COL6A2: variants seen among roughly 807,000 people sequenced by gnomAD.
COL6A2 encodes the protein collagen type VI alpha 2 chain.
A neutral mutation model predicts 124.9 loss-of-function variants in COL6A2; 90 were observed. The ratio of observed to expected loss-of-function variants is 0.72; its 90% CI spans 0.61 to 0.86. The LOEUF is 0.86. COL6A2 is among the 40% of genes least tolerant of loss of function. The probability of loss-of-function intolerance (pLI) is 0.00; values close to 1 mark genes in which losing one functional copy is unlikely to be tolerated. For missense variants in COL6A2, 1,607 were observed against 1,502.5 expected (o/e 1.07, Z -1.15); for synonymous variants, 793 against 618.2 (o/e 1.28, Z -4.19).
intron 15 of COL6A2, 29 bp downstream of exon 15, chr21:46,119,879 G>A (rs1180105469): frequency 6.5e-7 from 1 of 1,547,858 alleles, no homozygotes; most frequent in Non-Finnish European, 8.7e-7. Flanking sequence ...GCAGCCCAGG[G>A]TCTCACTGTG....
intron 4 of COL6A2, 112 bp downstream of exon 4, chr21:46,112,936 G>A (rs2078425510): frequency 1.5e-6 from 2 of 1,351,682 alleles, no homozygotes. Flanking sequence ...TGAGAGGAGA[G>A]GGAGTCACCT....
intron 14 of COL6A2, among the ~76,000 whole-genome samples, 166 bp downstream of exon 14, chr21:46,119,285 G>A (rs562973918): frequency 6.6e-6 from 1 of 152,242 alleles, no homozygotes; most frequent in East Asian, 1.9e-4. Flanking sequence ...CACCCCACGG[G>A]ACCCCCCAGA....
Position 46,132,565 on chromosome 21 carries a change from G to A in COL6A2, c.*13G>A, listed in dbSNP as rs2123456370. 1.9e-6 allele frequency: 3 copies of A among 1,583,666 alleles called. No individual in the cohort carries two copies. The South Asian group carries it at 3.4e-5, about 18-fold the overall frequency. On this transcript the variant is annotated 3_prime_UTR_variant, in exon 28 of 28. Coordinates refer to ENST00000300527, the MANE Select transcript of COL6A2 (RefSeq NM_001849.4). ...CTGGATCTGCTAGCGCCGCCGCCCG[G>A]GCCCCGCAGTCGAGGGTCGTGAGCC...
chr21:46,125,069 T>G (rs1478234155), intron 23 of COL6A2, 149 bp downstream of exon 23: 4 of 1,208,912 alleles, frequency 3.3e-6, no homozygotes, highest in Non-Finnish European at 3.7e-6. Flanking sequence ...CAAGCTTGGT[T>G]GGGGAAGGTC....
At position 46,132,605 on chromosome 21, in the gene COL6A2, TGCTAAGC is replaced by T; in HGVS notation, c.*55_*61del. The T allele has an allele frequency of 6.6e-7, 1 of 1,513,064 alleles. No homozygotes were observed. Among genetic ancestry groups the T allele is most frequent in the Non-Finnish European group, 8.9e-7 (1 of 1,121,030 alleles). The allele number at this position is 1,513,064 out of a possible 1,614,324, so 93.7% of individuals were successfully genotyped here. ...GGTCGTGAGCCCACCCCGTCCATGGTGCTAAGCGGGCCCGGGTCCCACACGGCCAGCA... is the reference window on the plus strand; with the variant it reads ...GGTCGTGAGCCCACCCCGTCCATGGTGGGCCCGGGTCCCACACGGCCAGCA... On this transcript the variant is annotated 3_prime_UTR_variant, in exon 28 of 28. Coordinates refer to ENST00000300527, the MANE Select transcript of COL6A2 (RefSeq NM_001849.4).
intron 1 of COL6A2, among the ~76,000 whole-genome samples, chr21:46,106,203 C>A (rs1601207092): frequency 6.6e-6 from 1 of 152,164 alleles, no homozygotes; most frequent in Non-Finnish European, 1.5e-5. Flanking sequence ...TATTTATGCA[C>A]CTAATAACAG....
rs371383704 is a variant in COL6A2 at position 46,119,100 on chromosome 21, G to A, written c.1250G>A (p.Arg417His). The A allele has an allele frequency of 4.0e-5, 64 of 1,611,832 alleles. No individual in the cohort carries two copies. The highest frequency in any genetic ancestry group is 1.1e-4 in the African/African-American group (8 of 74,852). Reference sequence around the variant, plus strand: ...GGAGCCAAGGGCGGGCCTGGGCCCCGCGGACCCAAAGGCGAGCCGGTGAGT... The same window carrying A: ...GGAGCCAAGGGCGGGCCTGGGCCCCACGGACCCAAAGGCGAGCCGGTGAGT... ...VKGAKGGPGP[R>H]GPKGEPGRRG... Residue 417 changes from arginine (R) to histidine (H), a missense_variant, in exon 14 of 28, where the codon CGC (arginine) becomes CAC (histidine). This residue lies in a region of COL6A2 where 1,223 missense variants were observed against 1,052.2 expected (regional missense o/e 1.16). Transcript: ENST00000300527.
rs1181506595 is a variant in COL6A2 at position 46,111,598 on chromosome 21, G to C, written c.115+7G>C. ...AGAAACAACAACTGCCCAGGTGCCA[G>C]GGGTCGGGGGCCGGGGGCTCTGGGC... is the stretch of plus-strand genomic sequence containing the variant. On this transcript the variant is annotated splice_region_variant and intron_variant, in intron 2 of 27. Transcript: ENST00000300527. The C allele has an allele frequency of 1.9e-6, 3 of 1,603,948 alleles. No individual in the cohort carries two copies. Among genetic ancestry groups the C allele is most frequent in the Non-Finnish European group, 2.6e-6 (3 of 1,172,730 alleles).
rs757279009 is a variant in COL6A2, at chr21:46,111,471, G to A, written c.-6G>A. 2.9e-5 allele frequency: 46 copies of A among 1,608,816 alleles called. No individual in the cohort carries two copies. Among genetic ancestry groups the A allele is most frequent in the Middle Eastern group, 1.7e-4 (1 of 6,010 alleles). On this transcript the variant is annotated 5_prime_UTR_variant, in exon 2 of 28. Coordinates refer to ENST00000300527, the MANE Select transcript of COL6A2 (RefSeq NM_001849.4). ...GCAGGACTTCAGGGCCACAGGTGCT[G>A]CCAAGATGCTCCAGGGCACCTGCTC... is the stretch of plus-strand genomic sequence containing the variant.
At chr21:46,111,366 CCTG>C in intron 1 of COL6A2, 81 bp from the exon 2 acceptor site, 1 of 743,846 alleles carries the variant, frequency 1.3e-6, no homozygotes, top group Non-Finnish European at 2.3e-6. Context: ...ATCCCGCTGA[CCTG>C]CTGTGCGTGC....
intron 10 of COL6A2, 23 bp from the exon 11 acceptor site, chr21:46,117,377 C>T (rs533503149): frequency 1.9e-6 from 3 of 1,611,386 alleles, no homozygotes; most frequent in Middle Eastern, 1.6e-4. Context: ...CCCTGAGACT[C>T]CTCCTGCCCC....
chr21:46,132,842 G>A lies in COL6A2; in HGVS notation c.*290G>A, dbSNP rs2078782008. 4 of 515,180 alleles carry A rather than the reference G, an allele frequency of 7.8e-6. No individual in the cohort carries two copies. The highest frequency in any genetic ancestry group is 1.4e-5 in the Non-Finnish European group (4 of 283,310). 31.9% of individuals were successfully genotyped at this position (515,180 alleles called of 1,614,324 possible). ...CAAGCCCTGACCCAATAAAGGCTTT[G>A]AACCCATTGCGTGCCTGCTTGCGAG... On this transcript the variant is annotated 3_prime_UTR_variant, in exon 28 of 28. Transcript: ENST00000300527.
In COL6A2 at chr21:46,119,786, AG is replaced by A. The variant is rs1568932516; in HGVS notation, c.1272del. On this transcript the variant is annotated splice_acceptor_variant, in intron 14 of 27. Coordinates refer to ENST00000300527, the MANE Select transcript of COL6A2 (RefSeq NM_001849.4). LOFTEE classifies it high-confidence loss of function. ...CCTCACCCACACGCCTGTTCTCTGCAGGGGCGCAGGGGAGACCCCGGCACCA... is the reference window on the plus strand; with the variant it reads ...CCTCACCCACACGCCTGTTCTCTGCAGGGCGCAGGGGAGACCCCGGCACCA... The A allele has an allele frequency of 6.4e-7, 1 of 1,559,594 alleles. No homozygotes were observed. Among genetic ancestry groups the A allele is most frequent in the East Asian group, 2.4e-5 (1 of 42,518 alleles).
rs2078766112 is a variant in COL6A2 at position 46,131,983 on chromosome 21, C to T, written c.2491C>T (p.Pro831Ser). The stretch of plus-strand genomic sequence containing the variant: ...GTCCGTGGCACAGTGCACGCAGCGG[C>T]CCGTGGACATCGTCTTCCTGCTGGA... Reference protein sequence around the residue: ...ELSVAQCTQRPVDIVFLLDGS... With the variant: ...ELSVAQCTQRSVDIVFLLDGS... Residue 831 changes from proline to serine, a missense_variant, in exon 28 of 28, where the codon CCC (proline) becomes TCC (serine). Coordinates refer to ENST00000300527, the MANE Select transcript of COL6A2 (RefSeq NM_001849.4). The T allele has an allele frequency of 1.2e-6, 2 of 1,609,458 alleles. No individual in the cohort carries two copies. The highest frequency in any genetic ancestry group is 2.2e-5 in the East Asian group (1 of 44,794).
In COL6A2 at chr21:46,124,667, C is replaced by T; in HGVS notation, c.1688C>T (p.Pro563Leu). 6.2e-7 allele frequency: 1 copy of T among 1,612,978 alleles called. No homozygotes were observed. The highest frequency in any genetic ancestry group is 1.3e-5 in the African/African-American group (1 of 75,032). ...CCTTCTCAGGCGGATCCTGGTCCCC[C>T]TGGTGAGCCAGGCCCTCGGGGGCCA... Reference protein sequence around the residue: ...EKGEPADPGPPGEPGPRGPRG... With the variant: ...EKGEPADPGPLGEPGPRGPRG... The change falls in exon 22 of 28, where the codon CCT (proline) becomes CTT (leucine). Residue 563 changes from proline to leucine, a missense_variant. Physicochemically the swap from Pro to Leu is moderately conservative, Grantham distance 98 (BLOSUM62 -3). This residue lies in a region of COL6A2 where 1,223 missense variants were observed against 1,052.2 expected (regional missense o/e 1.16). Transcript: ENST00000300527.
intron 27 of COL6A2, 100 bp downstream of exon 27, chr21:46,126,641 C>T (rs2078674301): frequency 6.8e-6 from 10 of 1,468,162 alleles, no homozygotes; most frequent in Non-Finnish European, 9.4e-6. Flanking sequence ...GTGCAGGGAC[C>T]CGGGGGGCGG....
intron 12 of COL6A2, among the ~76,000 whole-genome samples, chr21:46,118,181 G>C (rs536095734): frequency 6.6e-6 from 1 of 152,086 alleles, no homozygotes; most frequent in Non-Finnish European, 1.5e-5. Context: ...CTCCTCCCAG[G>C]TGGAGCCCCA....
intron 27 of COL6A2, 104 bp downstream of exon 27, chr21:46,126,645 G>T: frequency 1.4e-6 from 2 of 1,415,442 alleles, no homozygotes; most frequent in East Asian, 2.4e-5. Flanking sequence ...AGGGACCCGG[G>T]GGGCGGCGGA....
Position 46,132,773 on chromosome 21 carries a change from G to A in COL6A2, c.*221G>A, listed in dbSNP as rs947691920. 5.1e-6 allele frequency: 3 copies of A among 592,424 alleles called. No homozygotes were observed. The highest frequency in any genetic ancestry group is 1.9e-5 in the African/African-American group (1 of 53,394). 36.7% of individuals were successfully genotyped at this position (592,424 alleles called of 1,614,324 possible). On this transcript the variant is annotated 3_prime_UTR_variant, in exon 28 of 28. Coordinates refer to ENST00000300527, the MANE Select transcript of COL6A2 (RefSeq NM_001849.4). ...GCTGCCCGGCCTCCCTCCCCCTGCA[G>A]CCATCCCAAGGCTCCTGACCTACCT...
Sources: allele counts gnomAD v4.1 joint callset (sites outside exome capture counted in the v4.1 genomes callset), GRCh38; gene constraint gnomAD v4.1.1; regional missense constraint gnomAD v4.1.1; transcripts MANE v1.5; gene names NCBI Gene and HGNC (gene_info 2026-07-23, HGNC 2026-07-21).